Variants in IL1RAPL1 observed in about 807,000 individuals in gnomAD.
The protein encoded by IL1RAPL1 is interleukin-1 receptor accessory protein-like 1.
In IL1RAPL1, 3 loss-of-function variants were observed where a neutral mutation model predicts 48.4. The ratio of observed to expected loss-of-function variants is 0.06; its 90% confidence interval spans 0.03 to 0.16. IL1RAPL1 has a LOEUF of 0.16. Ranked by LOEUF, IL1RAPL1 falls within the 10% of genes least tolerant of loss-of-function variation. The probability of loss-of-function intolerance (pLI) is 1.00; values close to 1 mark genes in which losing one functional copy is unlikely to be tolerated. For synonymous variants in IL1RAPL1, 185 were observed against 187.7 expected, an observed-to-expected ratio of 0.99 and a Z score of 0.12; for missense variants, 349 against 530.6, an observed-to-expected ratio of 0.66 and a Z score of 3.36.
chrX:29,310,093 C>CAAAAAAAAAAAAAAAAAAA, intron 3 of IL1RAPL1, among the ~76,000 whole-genome samples: 1 of 23,736 alleles, frequency 4.2e-5, no homozygotes, highest in Non-Finnish European at 6.5e-5. Flanking sequence ...GACTCCGTCT[C>CAAAAAAAAAAAAAAAAAAA]AAAAAAAAAA....
intron 1 of IL1RAPL1, among the ~76,000 whole-genome samples, chrX:28,742,383 C>T (rs1156902503): frequency 9.0e-6 from 1 of 111,321 alleles, no homozygotes. Flanking sequence ...ATTTTGAGTA[C>T]CTGCATATGT....
intron 2 of IL1RAPL1, among the ~76,000 whole-genome samples, chrX:29,196,145 C>T (rs780766359): frequency 9.0e-5 from 10 of 111,689 alleles, no homozygotes; most frequent in Admixed American, 2.9e-4. Flanking sequence ...ATTTTTTTGT[C>T]ATAAAATAGA....
chrX:29,636,725 A>C (rs1480407036), intron 5 of IL1RAPL1, among the ~76,000 whole-genome samples: 1 of 111,789 alleles, frequency 8.9e-6, no homozygotes, highest in Non-Finnish European at 1.9e-5. Context: ...TCTTTGTCAC[A>C]TAGTTTATAA....
At chrX:29,477,609 A>G (rs1298163797) in intron 5 of IL1RAPL1, among the ~76,000 whole-genome samples, 1 of 112,140 alleles carries the variant, frequency 8.9e-6, no homozygotes. Context: ...TCTTTTAAGT[A>G]CTTTATATAT....
chrX:28,752,370 A>T (rs1786025656), intron 1 of IL1RAPL1, among the ~76,000 whole-genome samples: 1 of 112,010 alleles, frequency 8.9e-6, no homozygotes, highest in Non-Finnish European at 1.9e-5. Context: ...GATTTCAAGC[A>T]GTGAAGAGAT....
intron 2 of IL1RAPL1, among the ~76,000 whole-genome samples, chrX:29,262,872 A>G (rs1931885256): frequency 9.0e-6 from 1 of 111,323 alleles, no homozygotes; most frequent in African/African-American, 3.3e-5. Context: ...AGTGAGGAAT[A>G]TAACCTAGAT....
At chrX:29,138,775 TAAA>T (rs751624483) in intron 2 of IL1RAPL1, among the ~76,000 whole-genome samples, 3 of 67,368 alleles carry the variant, frequency 4.5e-5, no homozygotes, top group Non-Finnish European at 5.8e-5. Context: ...AGACTCCATC[TAAA>T]AAAAAAAAAA....
intron 6 of IL1RAPL1, among the ~76,000 whole-genome samples, chrX:29,743,253 T>G (rs1471752387): frequency 9.3e-6 from 1 of 107,475 alleles, no homozygotes; most frequent in Non-Finnish European, 1.9e-5. Flanking sequence ...TATTAATATA[T>G]CATAAATTTC....
At chrX:29,701,438 A>G (rs1013905548) in intron 6 of IL1RAPL1, among the ~76,000 whole-genome samples, 1 of 112,099 alleles carries the variant, frequency 8.9e-6, no homozygotes, top group Admixed American at 9.4e-5. Flanking sequence ...ATTATTCAAG[A>G]GGATGTGAAA....
intron 2 of IL1RAPL1, among the ~76,000 whole-genome samples, chrX:28,792,842 T>A (rs1601905837): frequency 1.6e-5 from 1 of 61,090 alleles, no homozygotes; most frequent in Non-Finnish European, 2.7e-5. Flanking sequence ...TATATATATA[T>A]ATATATATAA....
At chrX:28,924,476 GA>G (rs1403646014) in intron 2 of IL1RAPL1, among the ~76,000 whole-genome samples, 1 of 111,796 alleles carries the variant, frequency 8.9e-6, no homozygotes, top group African/African-American at 3.2e-5. Context: ...GAAGTACATT[GA>G]ATCAGTTTTA....
At position 29,955,320 on chromosome X, in the gene IL1RAPL1, A is replaced by C. The variant is rs1218125927; in HGVS notation, c.1591A>C (p.Ile531Leu). The C allele has an allele frequency of 8.3e-7, 1 of 1,211,119 alleles. No individual in the cohort carries two copies. The highest frequency in any genetic ancestry group is 1.1e-6 in the Non-Finnish European group (1 of 894,931). The change falls in exon 11 of 11, where the codon ATC (isoleucine) becomes CTC (leucine). Residue 531 changes from isoleucine to leucine, a missense_variant. By Grantham distance (5) the Ile-to-Leu change is conservative. Transcript: ENST00000378993. ...GGAGGTGGAGGCCCTGAAGCACACC[A>C]TCAAGCTCCTGACGGTCATTAAATG... Reference protein sequence around the residue: ...YQEVEALKHTIKLLTVIKWHG... With the variant: ...YQEVEALKHTLKLLTVIKWHG...
chrX:28,721,670 G>A (rs201438647), intron 1 of IL1RAPL1, among the ~76,000 whole-genome samples: 6,138 of 108,580 alleles, frequency 0.057, 403 homozygotes, highest in East Asian at 0.29. Flanking sequence ...GTCCTTGCCC[G>A]TGCCTATGTC....
intron 2 of IL1RAPL1, among the ~76,000 whole-genome samples, chrX:29,244,212 C>T (rs1410164464): frequency 3.6e-5 from 4 of 111,932 alleles, no homozygotes; most frequent in Non-Finnish European, 7.5e-5. Flanking sequence ...TAGAAACCCA[C>T]GCAAGAGTGA....
chrX:29,922,068 A>G (rs1569204245), intron 8 of IL1RAPL1, among the ~76,000 whole-genome samples: 1 of 110,165 alleles, frequency 9.1e-6, no homozygotes. Flanking sequence ...TTGGGGGGGG[A>G]CAAGGGAGGG....
In IL1RAPL1 at chrX:29,430,558, AAT is replaced by A. The variant is rs777605856; in HGVS notation, c.703+31255_703+31256del. ...AGGGCTAGTCTGTATTTCAGTGTAAAATATATGACACTTTATATATGTGTATA... is the reference window on the plus strand; with the variant it reads ...AGGGCTAGTCTGTATTTCAGTGTAAAATATGACACTTTATATATGTGTATA... On this transcript the variant is annotated intron_variant, in intron 5 of 10. Coordinates refer to ENST00000378993, the MANE Select transcript of IL1RAPL1 (RefSeq NM_014271.4). Among the ~76,000 whole-genome samples the A allele has an allele frequency of 6.0e-5, 6 of 100,021 alleles. No individual in the cohort carries two copies. The East Asian group carries it at 2.0e-3, about 33-fold the overall frequency. The allele number at this position is 100,021 out of a possible 115,157, so 86.9% of individuals were successfully genotyped here.
rs141306038 is a variant in IL1RAPL1, at chrX:28,845,683, G to T, written c.82+56258G>T. 5.1e-3 allele frequency among the ~76,000 whole-genome samples: 566 copies of T among 111,445 alleles called. 3 individuals are homozygous for T. The highest frequency in any genetic ancestry group is 0.017 in the African/African-American group (530 of 30,610). ...AATACAAGGTCAATCCTCATATAAAGTATAAATAAATCAGGGGATTCTATT... is the reference window on the plus strand; with the variant it reads ...AATACAAGGTCAATCCTCATATAAATTATAAATAAATCAGGGGATTCTATT... On this transcript the variant is annotated intron_variant, in intron 2 of 10. Coordinates refer to ENST00000378993, the MANE Select transcript of IL1RAPL1 (RefSeq NM_014271.4).
intron 3 of IL1RAPL1, among the ~76,000 whole-genome samples, chrX:29,306,033 G>C (rs1330481439): frequency 9.0e-6 from 1 of 111,662 alleles, no homozygotes; most frequent in Non-Finnish European, 1.9e-5. Context: ...TGAGGAAGAT[G>C]ACTCACTTGG....
chrX:29,666,748 G>A (rs1220966851), intron 5 of IL1RAPL1, among the ~76,000 whole-genome samples: 1 of 110,461 alleles, frequency 9.1e-6, no homozygotes, highest in Non-Finnish European at 1.9e-5. Context: ...TTTGAACAGG[G>A]AACAGTTCTC....
Sources: allele counts gnomAD v4.1 joint callset (sites outside exome capture counted in the v4.1 genomes callset), GRCh38; gene constraint gnomAD v4.1.1; transcripts MANE v1.5; gene names NCBI Gene and HGNC (gene_info 2026-07-23, HGNC 2026-07-21).